The following SNAI3 variants were observed in gnomAD, a reference collection of about 807,000 sequenced individuals.
SNAI3 encodes the protein snail family transcriptional repressor 3, also known as zinc finger protein SNAI3.
Under a neutral mutation model 16.4 loss-of-function variants are expected in SNAI3, and 21 were observed. The ratio of observed to expected loss-of-function variants is 1.28; its 90% CI spans 0.91 to 1.85. The LOEUF (loss-of-function observed/expected upper bound fraction) is 1.85. Among genes scored for constraint, SNAI3 ranks in the 40% most tolerant of loss-of-function variants. The pLI is 0.00. For missense variants in SNAI3, 457 were observed against 372.8 expected (o/e 1.23, Z -1.86); for synonymous variants, 202 against 166.6 (o/e 1.21, Z -1.64).
rs150236428 is a variant in SNAI3 at position 88,684,104 on chromosome 16, T to C, written c.76+2227A>G. ...GACCTCCTCCCACCCTCAGTTTTCC[T>C]AATTACAGAGTCATCAGGTTTCTGT... On this transcript the variant is annotated intron_variant, in intron 1 of 2. Coordinates refer to ENST00000332281, the MANE Select transcript of SNAI3 (RefSeq NM_178310.4). Among the ~76,000 whole-genome samples, 790 of 152,342 alleles carry C rather than the reference T, an allele frequency of 5.2e-3. 4 individuals carry two copies. The highest frequency in any genetic ancestry group is 0.027 in the Middle Eastern group (8 of 294).
Position 88,681,166 on chromosome 16 carries a change from A to C in SNAI3, c.625T>G (p.Cys209Gly), listed in dbSNP as rs989652707. 1.2e-6 allele frequency: 2 copies of C among 1,613,732 alleles called. No homozygotes were observed. Among genetic ancestry groups the C allele is most frequent in the African/African-American group, 2.7e-5 (2 of 74,916 alleles). ...KMHIRTHTLP[C>G]TCKICGKAFS... ...GCCTTGCCACAGATCTTGCAGGTGC[A>C]GGGCAGCGTGTGAGTGCGGATGTGC... The change falls in exon 2 of 3, where the codon TGC becomes GGC. Residue 209 changes from cysteine (C) to glycine (G), a missense_variant. Cys to Gly is a radical substitution (Grantham distance 159, BLOSUM62 -3). Coordinates refer to ENST00000332281, the MANE Select transcript of SNAI3 (RefSeq NM_178310.4). The surrounding 1 kb of genome is among the most constrained non-coding windows in gnomAD (Gnocchi z 5.4).
In SNAI3 at chr16:88,683,553, C is replaced by CTT. The variant is rs35529850; in HGVS notation, c.77-1841_77-1840dup. 4.8e-3 allele frequency among the ~76,000 whole-genome samples: 543 copies of CTT among 112,384 alleles called. 29 individuals are homozygous for CTT. The highest frequency in any genetic ancestry group is 0.044 in the East Asian group (160 of 3,600). The allele number at this position is 112,384 out of a possible 152,430, so 73.7% of individuals were successfully genotyped here. Reference sequence around the variant, plus strand: ...ACAGGCATAAGCCACTGCGCCTGGCCTTTTTTTTTTTTTTTTTTTTTGAGC... The same window carrying CTT: ...ACAGGCATAAGCCACTGCGCCTGGCCTTTTTTTTTTTTTTTTTTTTTTTGAGC... On this transcript the variant is annotated intron_variant, in intron 1 of 2. Transcript: ENST00000332281.
chr16:88,679,783 G>GAA (rs1291402457), intron 2 of SNAI3, among the ~76,000 whole-genome samples: 5 of 114,500 alleles, frequency 4.4e-5, no homozygotes, highest in South Asian at 5.8e-4. Context: ...AAAAAAAAAA[G>GAA]AAAAAGTGTG....
chr16:88,680,981 T>G, intron 2 of SNAI3, 113 bp downstream of exon 2: 1 of 1,418,998 alleles, frequency 7.0e-7, no homozygotes, highest in Non-Finnish European at 9.5e-7. Flanking sequence ...AGAAGCTGAA[T>G]GTGAATGCCC....
In SNAI3 at chr16:88,678,482, C is replaced by T. The variant is rs762485156; in HGVS notation, c.845G>A (p.Arg282Gln). 21 of 778,584 alleles carry T rather than the reference C, an allele frequency of 2.7e-5. No homozygotes were observed. Among genetic ancestry groups the T allele is most frequent in the Admixed American group, 5.1e-5 (3 of 58,988 alleles). The allele number at this position is 778,584 out of a possible 1,614,324, so 48.2% of individuals were successfully genotyped here. ...KTFSRMSLLA[R>Q]HEESGCCPGP Reference sequence around the variant, plus strand: ...CGGGCAGCAGCCAGACTCCTCATGCCGCGCCAGGAGGGACATGCGGGAGAA... The same window carrying T: ...CGGGCAGCAGCCAGACTCCTCATGCTGCGCCAGGAGGGACATGCGGGAGAA... Residue 282 changes from arginine (R) to glutamine (Q), a missense_variant, in exon 3 of 3, where the codon CGG becomes CAG. Arg to Gln is a conservative substitution (Grantham distance 43). Coordinates refer to ENST00000332281, the MANE Select transcript of SNAI3 (RefSeq NM_178310.4).
Position 88,681,466 on chromosome 16 carries a change from G to T in SNAI3, c.325C>A (p.Leu109Met), listed in dbSNP as rs1375051043. ...AGTGGGGGCAGGTTGAGGTGGTTCA[G>T]GCTGTCTTTGAGGGGTACAATGGCG... Reference protein sequence around the residue: ...RAAIVPLKDSLNHLNLPPLLV... With the variant: ...RAAIVPLKDSMNHLNLPPLLV... Residue 109 changes from leucine (L) to methionine (M), a missense_variant, in exon 2 of 3, where the codon CTG (leucine) becomes ATG (methionine). Coordinates refer to ENST00000332281, the MANE Select transcript of SNAI3 (RefSeq NM_178310.4). The surrounding 1 kb of genome is among the most constrained non-coding windows in gnomAD (Gnocchi z 5.4). The T allele has an allele frequency of 3.8e-6, 6 of 1,592,640 alleles. No homozygotes were observed. Among genetic ancestry groups the T allele is most frequent in the Non-Finnish European group, 5.1e-6 (6 of 1,165,232 alleles).
At chr16:88,682,373 C>T (rs1386415412) in intron 1 of SNAI3, among the ~76,000 whole-genome samples, 1 of 152,240 alleles carries the variant, frequency 6.6e-6, no homozygotes, top group East Asian at 1.9e-4. Context: ...TCAGAATTAC[C>T]CCGGCTGGGC....
At chr16:88,685,453 C>G (rs915005927) in intron 1 of SNAI3, 2 of 152,330 alleles carry the variant, frequency 1.3e-5, no homozygotes, top group African/African-American at 2.4e-5. Context: ...TGCTCTCCCC[C>G]ACCGGCCACA....
chr16:88,683,553 C>CTTTTT (rs35529850), intron 1 of SNAI3, among the ~76,000 whole-genome samples: 10 of 112,388 alleles, frequency 8.9e-5, no homozygotes, highest in Non-Finnish European at 1.2e-4. Flanking sequence ...TGCGCCTGGC[C>CTTTTT]TTTTTTTTTT....
chr16:88,682,806 C>T (rs191158147), intron 1 of SNAI3, among the ~76,000 whole-genome samples: 1,363 of 88,288 alleles, frequency 0.015, 17 homozygotes, highest in Non-Finnish European at 0.023. Flanking sequence ...GACGGAGTCT[C>T]GCTCTGTTGC....
chr16:88,680,195 CAGAA>C (rs1909117495), intron 2 of SNAI3, among the ~76,000 whole-genome samples: 1 of 150,524 alleles, frequency 6.6e-6, no homozygotes, highest in Non-Finnish European at 1.5e-5. Context: ...CTGAGGTTGA[CAGAA>C]AGCCCGGGCA....
At chr16:88,680,527 C>A (rs1047192738) in intron 2 of SNAI3, among the ~76,000 whole-genome samples, 4 of 151,978 alleles carry the variant, frequency 2.6e-5, no homozygotes, top group African/African-American at 9.7e-5. Flanking sequence ...TCAGGTGATC[C>A]ACCCACCTCT....
rs762401042 is a variant in SNAI3, at chr16:88,681,127, AG to A, written c.663del (p.Trp222GlyfsTer211). 7 of 1,613,312 alleles carry A rather than the reference AG, an allele frequency of 4.3e-6. No individual in the cohort carries two copies. The highest frequency in any genetic ancestry group is 5.1e-6 in the Non-Finnish European group (6 of 1,179,910). On this transcript the variant is annotated frameshift_variant, in exon 2 of 3. Coordinates refer to ENST00000332281, the MANE Select transcript of SNAI3 (RefSeq NM_178310.4). LOFTEE classifies it high-confidence loss of function. The surrounding 1 kb of genome is among the most constrained non-coding windows in gnomAD (Gnocchi z 5.4). ...GTGCGGACATGGCCCTGCAGTAACC[AG>A]GGCCTGGAGAAGGCCTTGCCACAGA... ...CKICGKAFSR[P>X]WLLQGHVRTH...
In SNAI3 at chr16:88,681,036, G is replaced by T; in HGVS notation, c.697+58C>A. 1 of 1,563,014 alleles carries T rather than the reference G, an allele frequency of 6.4e-7. No individual in the cohort carries two copies. On this transcript the variant is annotated intron_variant, in intron 2 of 2. Transcript: ENST00000332281. The surrounding 1 kb of genome is among the most constrained non-coding windows in gnomAD (Gnocchi z 5.4). ...CACCCCTCCTCCTTTTCTAACTCCC[G>T]CAGCCCACCCTCTTCCCCCAGCCCA...
chr16:88,686,107 G>A (rs966434011), intron 1 of SNAI3: 14 of 567,142 alleles, frequency 2.5e-5, no homozygotes, highest in Admixed American at 1.9e-4. Flanking sequence ...AGTTGGGAGA[G>A]AATCCCGCCC....
intron 2 of SNAI3, among the ~76,000 whole-genome samples, chr16:88,679,771 A>AG (rs1263005993): frequency 7.0e-6 from 1 of 142,202 alleles, no homozygotes; most frequent in African/African-American, 2.6e-5. Flanking sequence ...CAAAAAAAAA[A>AG]AAAAAAAAAA....
In SNAI3 at chr16:88,679,488, G is replaced by A. The variant is rs140947084; in HGVS notation, c.698-859C>T. 6.4e-3 allele frequency among the ~76,000 whole-genome samples: 973 copies of A among 152,184 alleles called. 9 individuals are homozygous for A. Among genetic ancestry groups the A allele is most frequent in the African/African-American group, 0.022 (913 of 41,516 alleles). ...AAAAGTATGAACTAGCAGGCCGGGC[G>A]CAGTGGCTCACACCTGTAATCCCAG... On this transcript the variant is annotated intron_variant, in intron 2 of 2. Transcript: ENST00000332281.
At chr16:88,679,439 G>T (rs986670758) in intron 2 of SNAI3, among the ~76,000 whole-genome samples, 1 of 152,218 alleles carries the variant, frequency 6.6e-6, no homozygotes, top group Admixed American at 6.5e-5. Flanking sequence ...TCATGACTTA[G>T]GGGGTAGGGA....
At chr16:88,680,274 G>GGTT (rs1283235685) in intron 2 of SNAI3, among the ~76,000 whole-genome samples, 1 of 66,510 alleles carries the variant, frequency 1.5e-5, no homozygotes, top group Non-Finnish European at 3.1e-5. Context: ...TTATGTTTTT[G>GGTT]ATTTTTTTTT....
Sources: gnomAD v4.1 joint callset for allele counts (sites outside exome capture counted in the v4.1 genomes callset) on GRCh38, gnomAD v4.1.1 for gene constraint, Gnocchi (gnomAD v3.1) non-coding constraint, MANE v1.5 for transcripts, NCBI Gene and HGNC (gene_info 2026-07-23, HGNC 2026-07-21) for gene names.